The following COX7B2 variants were observed in gnomAD, a reference collection of about 807,000 sequenced individuals.
The protein encoded by COX7B2 is cytochrome c oxidase subunit 7B2.
For synonymous variants in COX7B2, 37 were observed against 32.1 expected (o/e 1.15, Z -0.51); for missense variants, 109 against 95.9 (o/e 1.14, Z -0.57).
At chr4:46,769,021 C>T (rs575899536) in intron 2 of COX7B2, among the ~76,000 whole-genome samples, 1 of 152,098 alleles carries the variant, frequency 6.6e-6, no homozygotes, top group East Asian at 1.9e-4. Context: ...AACAGAAAAT[C>T]TGAATGGACC....
intron 1 of COX7B2, among the ~76,000 whole-genome samples, chr4:46,849,301 T>C (rs1477247073): frequency 6.6e-6 from 1 of 152,102 alleles, no homozygotes; most frequent in Non-Finnish European, 1.5e-5. Context: ...TTTAGCAGTG[T>C]TCACTTCTCT....
At chr4:46,905,237 A>G (rs1720306625) in intron 1 of COX7B2, among the ~76,000 whole-genome samples, 1 of 152,152 alleles carries the variant, frequency 6.6e-6, no homozygotes. Flanking sequence ...GGTTTGTCAA[A>G]TTTACATTTT....
At chr4:46,810,122 T>C (rs969416873) in intron 2 of COX7B2, among the ~76,000 whole-genome samples, 1 of 152,020 alleles carries the variant, frequency 6.6e-6, no homozygotes, top group Non-Finnish European at 1.5e-5. Context: ...AGCCTCTGTA[T>C]ATCCTTAAAG....
At chr4:46,848,025 A>G (rs992444407) in intron 1 of COX7B2, among the ~76,000 whole-genome samples, 2 of 151,998 alleles carry the variant, frequency 1.3e-5, no homozygotes, top group Non-Finnish European at 1.5e-5. Context: ...TAACCACACT[A>G]GATTTTACAT....
intron 2 of COX7B2, among the ~76,000 whole-genome samples, chr4:46,737,535 T>A (rs150241664): frequency 0.011 from 1,720 of 152,184 alleles, 20 homozygotes; most frequent in Middle Eastern, 0.037. Flanking sequence ...GAAATATAAG[T>A]GAATATTGGT....
intron 2 of COX7B2, among the ~76,000 whole-genome samples, chr4:46,802,363 G>T (rs1158252483): frequency 6.6e-6 from 1 of 152,056 alleles, no homozygotes; most frequent in Non-Finnish European, 1.5e-5. Context: ...CATCCTGGAA[G>T]GTCTCTTTTG....
chr4:46,895,205 C>T (rs1719678695), intron 1 of COX7B2, among the ~76,000 whole-genome samples: 1 of 152,132 alleles, frequency 6.6e-6, no homozygotes, highest in African/African-American at 2.4e-5. Context: ...CACTGCAACA[C>T]TATTTGCAAT....
At chr4:46,736,867 C>A (rs373647970) in intron 2 of COX7B2, among the ~76,000 whole-genome samples, 42 of 152,148 alleles carry the variant, frequency 2.8e-4, no homozygotes, top group African/African-American at 1.0e-3. Flanking sequence ...TGAAGGACAT[C>A]TTGATTGCTT....
chr4:46,865,093 T>C (rs1191969589), intron 1 of COX7B2, among the ~76,000 whole-genome samples: 2 of 152,194 alleles, frequency 1.3e-5, no homozygotes, highest in Non-Finnish European at 2.9e-5. Flanking sequence ...AGTTTTTTAA[T>C]CTCTAGCACC....
intron 2 of COX7B2, among the ~76,000 whole-genome samples, chr4:46,823,930 G>C (rs1714491319): frequency 6.6e-6 from 1 of 151,304 alleles, no homozygotes; most frequent in Non-Finnish European, 1.5e-5. Context: ...CATCATTCTG[G>C]ATACCACAAA....
intron 2 of COX7B2, among the ~76,000 whole-genome samples, chr4:46,766,154 G>A (rs1333350598): frequency 1.3e-5 from 2 of 152,070 alleles, no homozygotes; most frequent in African/African-American, 4.8e-5. Context: ...GCTTAAAATG[G>A]AAACAAAAGG....
At chr4:46,807,279 C>T (rs1719052196) in intron 2 of COX7B2, among the ~76,000 whole-genome samples, 2 of 151,782 alleles carry the variant, frequency 1.3e-5, no homozygotes, top group Admixed American at 1.3e-4. Context: ...ATGTTGAGCA[C>T]TTTTCATACC....
At chr4:46,893,092 G>A (rs751913940) in intron 1 of COX7B2, among the ~76,000 whole-genome samples, 6 of 152,108 alleles carry the variant, frequency 3.9e-5, no homozygotes, top group Non-Finnish European at 8.8e-5. Flanking sequence ...CCAGTCTCAG[G>A]TATTTCTTTG....
intron 2 of COX7B2, among the ~76,000 whole-genome samples, chr4:46,743,693 G>A (rs6846426): frequency 0.015 from 2,285 of 152,254 alleles, 57 homozygotes; most frequent in African/African-American, 0.052. Context: ...AACCTCTATT[G>A]TGCTAAACAG....
At chr4:46,889,334 T>C (rs1719279878) in intron 1 of COX7B2, among the ~76,000 whole-genome samples, 2 of 152,180 alleles carry the variant, frequency 1.3e-5, no homozygotes, top group African/African-American at 2.4e-5. Flanking sequence ...TCCCTGGATG[T>C]AGGAACTGTC....
At chr4:46,771,201 G>A (rs561543991) in intron 2 of COX7B2, among the ~76,000 whole-genome samples, 2 of 152,268 alleles carry the variant, frequency 1.3e-5, no homozygotes, top group South Asian at 4.1e-4. Flanking sequence ...GCTAACGCGT[G>A]TATGGAAAAA....
intron 2 of COX7B2, among the ~76,000 whole-genome samples, chr4:46,777,498 GA>G (rs1717223038): frequency 6.6e-6 from 1 of 151,948 alleles, no homozygotes; most frequent in African/African-American, 2.4e-5. Context: ...GGAGAGAGAG[GA>G]AACACCAATG....
chr4:46,759,954 A>G (rs1055961942), intron 2 of COX7B2, among the ~76,000 whole-genome samples: 162 of 151,810 alleles, frequency 1.1e-3, no homozygotes, highest in African/African-American at 3.7e-3. Flanking sequence ...TAAGTCTTAT[A>G]TAAGTTATAT....
At chr4:46,811,698 T>C (rs1719293035) in intron 2 of COX7B2, among the ~76,000 whole-genome samples, 1 of 152,224 alleles carries the variant, frequency 6.6e-6, no homozygotes, top group Admixed American at 6.5e-5. Flanking sequence ...TCATATTTCC[T>C]TGCCTTTTCA....
Sources: gnomAD v4.1 joint callset for allele counts (sites outside exome capture counted in the v4.1 genomes callset) on GRCh38, gnomAD v4.1.1 for gene constraint, MANE v1.5 for transcripts, NCBI Gene and HGNC (gene_info 2026-07-23, HGNC 2026-07-21) for gene names.